The following CAMTA1 variants were observed in gnomAD, a reference collection of about 807,000 sequenced individuals.
CAMTA1 encodes the protein calmodulin binding transcription activator 1.
Under a neutral mutation model 170.9 loss-of-function variants are expected in CAMTA1, and 27 were observed. The observed-to-expected ratio is 0.16, with a 90% confidence interval of 0.12 to 0.22. The LOEUF is 0.22. Among genes scored for constraint, CAMTA1 ranks in the 10% least tolerant of loss-of-function variants. The probability of loss-of-function intolerance (pLI) is 1.00; values close to 1 mark genes in which losing one functional copy is unlikely to be tolerated. For missense variants in CAMTA1, 1,619 were observed against 2,217.2 expected (o/e 0.73, Z 5.42); for synonymous variants, 833 against 891.5 (o/e 0.93, Z 1.17).
At chr1:7,617,428 G>A (rs1009463820) in intron 6 of CAMTA1, among the ~76,000 whole-genome samples, 1 of 152,166 alleles carries the variant, frequency 6.6e-6, no homozygotes, top group Non-Finnish European at 1.5e-5. Context: ...AATGGCTCGA[G>A]GCAATTCTTC....
At chr1:6,796,173 T>C (rs923768363) in intron 1 of CAMTA1, among the ~76,000 whole-genome samples, 31 of 136,850 alleles carry the variant, frequency 2.3e-4, no homozygotes, top group Non-Finnish European at 2.9e-4. Flanking sequence ...ACGGTCTCAC[T>C]GTGTCACTCA....
chr1:7,412,221 G>A lies in CAMTA1; in HGVS notation c.439-55609G>A, dbSNP rs1460942537. On this transcript the variant is annotated intron_variant, in intron 5 of 22. Transcript: ENST00000303635. ...GTGAATAGTGCTGCAATAAACATAC[G>A]TGTGCGTGTGTCTTTATAGCAGCAT... 1.1e-4 allele frequency among the ~76,000 whole-genome samples: 16 copies of A among 152,202 alleles called. No homozygotes were observed. In the South Asian group the frequency reaches 1.2e-3, roughly 12 times the overall value.
intron 4 of CAMTA1, among the ~76,000 whole-genome samples, chr1:7,103,842 ATG>A (rs1573062990): frequency 3.0e-5 from 1 of 33,450 alleles, no homozygotes; most frequent in Non-Finnish European, 6.6e-5. Context: ...AACTACACAC[ATG>A]TACACACAAC....
chr1:7,070,174 C>A (rs1301776298), intron 3 of CAMTA1, among the ~76,000 whole-genome samples: 1 of 152,180 alleles, frequency 6.6e-6, no homozygotes, highest in African/African-American at 2.4e-5. Context: ...TTTCCTCTGC[C>A]CACACAGAGA....
At position 7,173,972 on chromosome 1, in the gene CAMTA1, C is replaced by T. The variant is rs1558203197; in HGVS notation, c.303-75519C>T. Among the ~76,000 whole-genome samples, 1 of 152,094 alleles carries T rather than the reference C, an allele frequency of 6.6e-6. No homozygotes were observed. Among genetic ancestry groups the T allele is most frequent in the Non-Finnish European group, 1.5e-5 (1 of 68,016 alleles). ...CCTTTACCATGGGTTACCTTTGACA[C>T]CAAGGTTCCCCCACCCCTACCCTTC... On this transcript the variant is annotated intron_variant, in intron 4 of 22. Transcript: ENST00000303635. This position sits in a 1 kb window ranked among gnomAD's most constrained non-coding sequence, Gnocchi z 5.4.
intron 6 of CAMTA1, among the ~76,000 whole-genome samples, chr1:7,568,691 A>G (rs2095080215): frequency 2.0e-5 from 3 of 149,396 alleles, no homozygotes; most frequent in Admixed American, 6.6e-5. Context: ...CACCATCAAA[A>G]TCATCACCAC....
chr1:7,189,330 T>C (rs892699544), intron 4 of CAMTA1, among the ~76,000 whole-genome samples: 1 of 151,914 alleles, frequency 6.6e-6, no homozygotes, highest in Admixed American at 6.6e-5. Flanking sequence ...TTGAGTGAGG[T>C]CCATGACATA....
chr1:7,542,374 C>G (rs1052806164), intron 6 of CAMTA1, among the ~76,000 whole-genome samples: 1 of 151,880 alleles, frequency 6.6e-6, no homozygotes, highest in Non-Finnish European at 1.5e-5. Context: ...TTTCACTTAC[C>G]ATTGTATAAA....
chr1:7,422,280 T>G (rs570671845), intron 5 of CAMTA1, among the ~76,000 whole-genome samples: 1 of 152,136 alleles, frequency 6.6e-6, no homozygotes, highest in South Asian at 2.1e-4. Context: ...CAGTGAGTGA[T>G]GCAAGAGGCT....
intron 6 of CAMTA1, among the ~76,000 whole-genome samples, chr1:7,568,698 C>T (rs866896918): frequency 1.3e-5 from 2 of 151,212 alleles, no homozygotes; most frequent in Non-Finnish European, 2.9e-5. Flanking sequence ...AAAATCATCA[C>T]CACATCACCA....
chr1:7,739,825 G>A (rs1310332517), intron 16 of CAMTA1, among the ~76,000 whole-genome samples: 3 of 152,208 alleles, frequency 2.0e-5, no homozygotes, highest in Admixed American at 6.5e-5. Flanking sequence ...TAGGGACACA[G>A]CCAAACCATG....
At chr1:7,370,914 C>CTTTTTTT (rs61387662) in intron 5 of CAMTA1, among the ~76,000 whole-genome samples, 60,675 of 109,554 alleles carry the variant, frequency 0.55, 18,558 homozygotes, top group Middle Eastern at 0.66. Context: ...TTCTTTCTTT[C>CTTTTTTT]TTTTTTTTTT....
chr1:7,652,439 C>T, intron 7 of CAMTA1, among the ~76,000 whole-genome samples: 1 of 152,200 alleles, frequency 6.6e-6, no homozygotes, highest in Non-Finnish European at 1.5e-5. Context: ...AGATGAGTGA[C>T]AGCTGACCTG....
At chr1:7,412,118 A>G (rs1459256937) in intron 5 of CAMTA1, among the ~76,000 whole-genome samples, 1 of 152,088 alleles carries the variant, frequency 6.6e-6, no homozygotes, top group Non-Finnish European at 1.5e-5. Context: ...ATAGTATTCC[A>G]TGGGGTATAT....
intron 4 of CAMTA1, among the ~76,000 whole-genome samples, chr1:7,135,595 A>G (rs142269074): frequency 6.5e-4 from 99 of 152,096 alleles, no homozygotes; most frequent in African/African-American, 2.1e-3. Context: ...CTCCCAGGCC[A>G]TTGTCATCCA....
chr1:6,873,014 G>A (rs1343896630), intron 3 of CAMTA1, among the ~76,000 whole-genome samples: 1 of 152,142 alleles, frequency 6.6e-6, no homozygotes, highest in Non-Finnish European at 1.5e-5. Context: ...GTTCACTGGC[G>A]ATTGGAACTC....
At position 7,745,712 on chromosome 1, in the gene CAMTA1, A is replaced by G. The variant is rs1387359542; in HGVS notation, c.4371-133A>G. The stretch of plus-strand genomic sequence containing the variant: ...ACTGGGTATGTTTAGCAACTTGCCT[A>G]ACTGAATGAAGGCATGTTCCTAATT... On this transcript the variant is annotated intron_variant, in intron 17 of 22. Coordinates refer to ENST00000303635, the MANE Select transcript of CAMTA1 (RefSeq NM_015215.4). 5.8e-6 allele frequency: 6 copies of G among 1,029,928 alleles called. No individual in the cohort carries two copies. In the African/African-American group the frequency reaches 6.3e-5, roughly 11 times the overall value. The allele number at this position is 1,029,928 out of a possible 1,614,324, so 63.8% of individuals were successfully genotyped here.
intron 6 of CAMTA1, among the ~76,000 whole-genome samples, chr1:7,472,151 C>T (rs762019035): frequency 3.3e-5 from 5 of 152,162 alleles, no homozygotes; most frequent in Admixed American, 6.5e-5. Flanking sequence ...TCCTGGCCCA[C>T]GCTGGCAGCA....
intron 6 of CAMTA1, among the ~76,000 whole-genome samples, chr1:7,498,852 ATGAG>A (rs1407138304): frequency 9.6e-4 from 134 of 139,010 alleles, no homozygotes; most frequent in African/African-American, 1.4e-3. Context: ...GTGTGTATGT[ATGAG>A]TGTGTGTGTG....
Sources: allele counts gnomAD v4.1 joint callset (sites outside exome capture counted in the v4.1 genomes callset), GRCh38; gene constraint gnomAD v4.1.1; non-coding constraint Gnocchi (gnomAD v3.1); transcripts MANE v1.5; gene names NCBI Gene and HGNC (gene_info 2026-07-23, HGNC 2026-07-21).